CLCN5: variants seen among roughly 807,000 people sequenced by gnomAD.
CLCN5 encodes H(+)/Cl(-) exchange transporter 5.
A neutral mutation model predicts 54.0 loss-of-function variants in CLCN5; 17 were observed. That is an observed-to-expected ratio of 0.31 (90% CI 0.22 to 0.47). CLCN5 has a LOEUF of 0.47. CLCN5 is among the 20% of genes least tolerant of loss of function. The pLI is 1.00. For missense variants in CLCN5, 448 were observed against 646.7 expected (o/e 0.69, Z 3.33); for synonymous variants, 222 against 233.0 (o/e 0.95, Z 0.43).
intron 3 of CLCN5, among the ~76,000 whole-genome samples, chrX:50,004,051 A>G (rs1258669995): frequency 3.6e-5 from 4 of 112,356 alleles, no homozygotes; most frequent in Non-Finnish European, 7.5e-5. Context: ...CCATATGCAC[A>G]CTTGTTTGCT....
intron 3 of CLCN5, among the ~76,000 whole-genome samples, chrX:49,928,115 A>G (rs1487998973): frequency 8.9e-6 from 1 of 112,086 alleles, no homozygotes; most frequent in African/African-American, 3.3e-5. Context: ...ACTACAGTTA[A>G]CAATAATTAT....
intron 3 of CLCN5, among the ~76,000 whole-genome samples, chrX:49,978,889 G>C (rs1318817511): frequency 1.8e-5 from 2 of 111,415 alleles, no homozygotes; most frequent in African/African-American, 6.5e-5. Context: ...GTGTGGAAGG[G>C]TGGGGGATTG....
At chrX:50,083,495 G>A (rs1467144588) in intron 9 of CLCN5, among the ~76,000 whole-genome samples, 1 of 111,888 alleles carries the variant, frequency 8.9e-6, no homozygotes, top group Non-Finnish European at 1.9e-5. Context: ...GAACAGTTAT[G>A]AAATTTGAAT....
chrX:49,927,144 G>A (rs1287381612), intron 3 of CLCN5, among the ~76,000 whole-genome samples: 2 of 111,590 alleles, frequency 1.8e-5, no homozygotes, highest in Non-Finnish European at 1.9e-5. Context: ...ACTGATATTG[G>A]CACAGATGGG....
intron 3 of CLCN5, among the ~76,000 whole-genome samples, chrX:50,027,961 C>G (rs1557185280): frequency 1.8e-5 from 2 of 111,506 alleles, no homozygotes; most frequent in African/African-American, 6.5e-5. Context: ...CTAGAGACTT[C>G]TTAACTAAAT....
In CLCN5 at chrX:50,023,036, G is replaced by T. The variant is rs1931193309; in HGVS notation, c.17-19280G>T. On this transcript the variant is annotated intron_variant, in intron 3 of 14. Transcript: ENST00000376091. The stretch of plus-strand genomic sequence containing the variant: ...AGTTCAATTCCTGGGTATCCTTGTT[G>T]ACTTTCTGTTTCGTTGATCTGTCTA... 2.2e-5 allele frequency among the ~76,000 whole-genome samples: 2 copies of T among 91,146 alleles called. 1 individual carries two copies. Among genetic ancestry groups the T allele is most frequent in the African/African-American group, 1.1e-4 (2 of 17,805 alleles). 79.1% of individuals were successfully genotyped at this position (91,146 alleles called of 115,157 possible).
chrX:49,990,285 C>T (rs920498885), intron 3 of CLCN5, among the ~76,000 whole-genome samples: 16 of 110,260 alleles, frequency 1.5e-4, no homozygotes, highest in Non-Finnish European at 3.0e-4. Context: ...CTGGTTTAGC[C>T]TCCCAAGTAG....
intron 3 of CLCN5, 107 bp downstream of exon 3, chrX:49,925,421 T>C (rs1925292173): frequency 7.8e-6 from 6 of 770,894 alleles, no homozygotes; most frequent in Non-Finnish European, 1.2e-5. Context: ...CAGCTGTTCT[T>C]TAATTTAACC....
At chrX:50,026,089 C>T (rs1289791411) in intron 3 of CLCN5, among the ~76,000 whole-genome samples, 6 of 111,869 alleles carry the variant, frequency 5.4e-5, no homozygotes, top group Non-Finnish European at 9.4e-5. Flanking sequence ...TCTTCATTTT[C>T]ATTTAGTTCA....
intron 3 of CLCN5, among the ~76,000 whole-genome samples, chrX:49,941,100 G>A (rs1557170813): frequency 1.8e-5 from 2 of 111,372 alleles, no homozygotes; most frequent in South Asian, 3.8e-4. Context: ...GTCAAGGCGG[G>A]TGATCACTTG....
chrX:49,972,363 GT>G (rs1928266966), intron 3 of CLCN5, among the ~76,000 whole-genome samples: 1 of 111,127 alleles, frequency 9.0e-6, no homozygotes. Flanking sequence ...TCCTCCCTCT[GT>G]TTTTGTGTAA....
intron 3 of CLCN5, among the ~76,000 whole-genome samples, 162 bp from the exon 4 acceptor site, chrX:50,042,154 A>G (rs1019462091): frequency 8.0e-5 from 9 of 112,242 alleles, no homozygotes; most frequent in African/African-American, 2.9e-4. Context: ...TCTGTTTGGG[A>G]TGATGAAATA....
chrX:49,963,421 A>C (rs1466460255), intron 3 of CLCN5, among the ~76,000 whole-genome samples: 1 of 111,203 alleles, frequency 9.0e-6, no homozygotes, highest in Non-Finnish European at 1.9e-5. Context: ...TATGCTGAAA[A>C]ACCCCAATCC....
At chrX:50,019,241 A>C (rs1472214410) in intron 3 of CLCN5, among the ~76,000 whole-genome samples, 1 of 111,038 alleles carries the variant, frequency 9.0e-6, no homozygotes, top group Non-Finnish European at 1.9e-5. Context: ...AATTGTTAAT[A>C]TTCCTTTATT....
chrX:49,968,781 C>A (rs1928041541), intron 3 of CLCN5, among the ~76,000 whole-genome samples: 1 of 64,262 alleles, frequency 1.6e-5, no homozygotes, highest in Admixed American at 1.7e-4. Context: ...TCCAAAACAC[C>A]AAAAGCAATG....
At chrX:50,062,984 G>A (rs1300506885) in intron 4 of CLCN5, among the ~76,000 whole-genome samples, 1 of 110,198 alleles carries the variant, frequency 9.1e-6, no homozygotes, top group African/African-American at 3.4e-5. Flanking sequence ...CAACATACCA[G>A]AATCTCTGGG....
chrX:50,069,865 C>G lies in CLCN5; in HGVS notation c.164-14C>G, dbSNP rs782119700. ...ATTTCTGAAGTACTAATGTCTATTT[C>G]TTGTTCAATACAGAGGACAAGTCGT... On this transcript the variant is annotated splice_polypyrimidine_tract_variant and intron_variant, in intron 4 of 14. Transcript: ENST00000376091. The G allele has an allele frequency of 1.7e-6, 2 of 1,189,507 alleles. No individual in the cohort carries two copies. Among genetic ancestry groups the G allele is most frequent in the South Asian group, 3.8e-5 (2 of 53,069 alleles).
Position 50,095,086 on chromosome X carries a change from G to A in CLCN5, c.*2867G>A, listed in dbSNP as rs2147617429. The A allele has an allele frequency of 8.9e-6, 1 of 112,248 alleles. No homozygotes were observed. Among genetic ancestry groups the A allele is most frequent in the South Asian group, 3.8e-4 (1 of 2,657 alleles). 9.3% of individuals were successfully genotyped at this position (112,248 alleles called of 1,213,427 possible). On this transcript the variant is annotated 3_prime_UTR_variant, in exon 15 of 15. Coordinates refer to ENST00000376091, the MANE Select transcript of CLCN5 (RefSeq NM_001127898.4). ...AATGAGTCGAGATGAGACTATTTTG[G>A]TATTAAATGAGAAAATTGCCTAACA...
At chrX:50,065,829 G>A (rs1288249128) in intron 4 of CLCN5, among the ~76,000 whole-genome samples, 6 of 101,686 alleles carry the variant, frequency 5.9e-5, no homozygotes, top group African/African-American at 1.8e-4. Flanking sequence ...ATACTATGCA[G>A]CCATAAAAAA....
Sources: allele counts gnomAD v4.1 joint callset (sites outside exome capture counted in the v4.1 genomes callset), GRCh38; gene constraint gnomAD v4.1.1; transcripts MANE v1.5; gene names NCBI Gene and HGNC (gene_info 2026-07-23, HGNC 2026-07-21).